Variants in ALPK3 observed in about 807,000 individuals in gnomAD.
ALPK3 encodes the protein alpha kinase 3.
ALPK3 carries 102 observed loss-of-function variants against 140.0 expected under a neutral mutation model. The ratio of observed to expected loss-of-function variants is 0.73; its 90% CI spans 0.62 to 0.86. The LOEUF is 0.86. Ranked by LOEUF, ALPK3 falls within the 40% of genes least tolerant of loss-of-function variation. The probability of loss-of-function intolerance (pLI) is 0.00; values close to 1 mark genes in which losing one functional copy is unlikely to be tolerated. For missense variants in ALPK3, 2,254 were observed against 2,208.2 expected (o/e 1.02, Z -0.42); for synonymous variants, 938 against 898.5 (o/e 1.04, Z -0.79).
chr15:84,821,922 G>C (rs906098256), intron 1 of ALPK3, among the ~76,000 whole-genome samples: 1 of 152,156 alleles, frequency 6.6e-6, no homozygotes, highest in African/African-American at 2.4e-5. Context: ...GGGTCAGGAA[G>C]GACTGTTCAT....
chr15:84,840,055 A>C lies in ALPK3; in HGVS notation c.776A>C (p.Gln259Pro), dbSNP rs781233652. The C allele has an allele frequency of 6.2e-7, 1 of 1,614,140 alleles. No homozygotes were observed. Among genetic ancestry groups the C allele is most frequent in the Admixed American group, 1.7e-5 (1 of 60,010 alleles). Residue 259 changes from glutamine to proline, a missense_variant, in exon 5 of 14, where the codon CAG (glutamine) becomes CCG (proline). By Grantham distance (76) the Gln-to-Pro change is moderately conservative. This residue lies in a region of ALPK3 where 2,088 missense variants were observed against 2,022.9 expected (regional missense o/e 1.03). Coordinates refer to ENST00000258888, the MANE Select transcript of ALPK3 (RefSeq NM_020778.5). Reference protein sequence around the residue: ...AWQEGETETAQHSGLGLINSF... With the variant: ...AWQEGETETAPHSGLGLINSF... ...CAGGAGGGAGAGACTGAGACTGCTC[A>C]GCACTCAGGTTTGGGCCTGATCAAC...
At chr15:84,820,831 C>T (rs937270356) in intron 1 of ALPK3, among the ~76,000 whole-genome samples, 2 of 152,098 alleles carry the variant, frequency 1.3e-5, no homozygotes, top group Non-Finnish European at 2.9e-5. Flanking sequence ...GCTATATCAC[C>T]GAGGTTGATC....
intron 5 of ALPK3, among the ~76,000 whole-genome samples, chr15:84,855,995 T>G (rs1387390374): frequency 6.6e-6 from 1 of 152,146 alleles, no homozygotes; most frequent in Non-Finnish European, 1.5e-5. Context: ...CCAAGGCAAT[T>G]AGTGCCACAG....
At chr15:84,833,134 T>G (rs754715139) in intron 3 of ALPK3, among the ~76,000 whole-genome samples, 3 of 152,192 alleles carry the variant, frequency 2.0e-5, no homozygotes, top group African/African-American at 7.2e-5. Context: ...ACCTACCTAC[T>G]GTGTATATCA....
chr15:84,838,608 T>TTAC, intron 3 of ALPK3, among the ~76,000 whole-genome samples: 1 of 62,476 alleles, frequency 1.6e-5, no homozygotes, highest in East Asian at 1.4e-3. Flanking sequence ...CCCATTATTA[T>TTAC]TATTATTATT....
At chr15:84,864,696 A>G in intron 12 of ALPK3, 31 bp downstream of exon 12, 2 of 1,591,998 alleles carry the variant, frequency 1.3e-6, no homozygotes, top group East Asian at 2.2e-5. Context: ...ACGGGTACGC[A>G]TGTGCATGGA....
chr15:84,832,117 G>A (rs1157765195), intron 3 of ALPK3, among the ~76,000 whole-genome samples: 1 of 152,106 alleles, frequency 6.6e-6, no homozygotes, highest in Non-Finnish European at 1.5e-5. Context: ...AATGGTTGAA[G>A]GGTTCCAAAG....
chr15:84,846,007 G>T (rs1390347272), intron 5 of ALPK3, among the ~76,000 whole-genome samples: 4 of 152,224 alleles, frequency 2.6e-5, no homozygotes, highest in Non-Finnish European at 4.4e-5. Flanking sequence ...GGCAGAGGTT[G>T]CAGTGAGCTG....
At chr15:84,863,785 C>A in intron 11 of ALPK3, 145 bp downstream of exon 11, 1 of 748,712 alleles carries the variant, frequency 1.3e-6, no homozygotes, top group Non-Finnish European at 2.1e-6. Context: ...AGCTCAGTGG[C>A]CTCACAAAAT....
At chr15:84,859,059 C>T (rs1963905247) in intron 6 of ALPK3, among the ~76,000 whole-genome samples, 184 bp from the exon 7 acceptor site, 1 of 152,146 alleles carries the variant, frequency 6.6e-6, no homozygotes, top group South Asian at 2.1e-4. Flanking sequence ...GAGATGTGTG[C>T]TTTGGGGGTC....
intron 5 of ALPK3, 148 bp from the exon 6 acceptor site, chr15:84,856,244 C>T (rs1439564512): frequency 1.5e-5 from 18 of 1,173,014 alleles, no homozygotes; most frequent in East Asian, 2.4e-5. Context: ...GTCTTTGCCT[C>T]CCAACTTCCA....
intron 3 of ALPK3, among the ~76,000 whole-genome samples, chr15:84,836,433 T>C (rs1963598263): frequency 6.6e-6 from 1 of 152,112 alleles, no homozygotes. Flanking sequence ...TGTGAGATGA[T>C]GGGAATGTGG....
chr15:84,859,530 G>A, intron 7 of ALPK3, 140 bp downstream of exon 7: 3 of 1,331,432 alleles, frequency 2.3e-6, no homozygotes, highest in African/African-American at 1.5e-5. Flanking sequence ...CCATAGTAGA[G>A]ATGAGAAAAT....
Position 84,859,874 on chromosome 15 carries a change from C to T in ALPK3, c.4064C>T (p.Ala1355Val). 2 of 1,614,066 alleles carry T rather than the reference C, an allele frequency of 1.2e-6. No homozygotes were observed. Among genetic ancestry groups the T allele is most frequent in the Non-Finnish European group, 1.7e-6 (2 of 1,180,018 alleles). ...ACCATCCACAATGAGCACGGCTCGG[C>T]CTCCACCGACTTCTGCCTCAGCCCT... ...RCTIHNEHGS[A>V]STDFCLSPEV... Residue 1355 changes from alanine (A) to valine (V), a missense_variant, in exon 8 of 14, where the codon GCC (alanine) becomes GTC (valine). Physicochemically the swap from Ala to Val is moderately conservative, Grantham distance 64 (BLOSUM62 0). Around this residue, in one of 3 missense-constraint regions of ALPK3, gnomAD observed 2,088 missense variants for 2,022.9 expected, o/e 1.03. Coordinates refer to ENST00000258888, the MANE Select transcript of ALPK3 (RefSeq NM_020778.5).
chr15:84,858,078 C>A lies in ALPK3; in HGVS notation c.3340C>A (p.Arg1114=). The change falls in exon 6 of 14, where the codon CGA becomes AGA. Residue 1114 remains arginine (R), a synonymous_variant. Transcript: ENST00000258888. ...CTCTCAGGAGAGCAGCATGGCTGGT[C>A]GACTGGGGGAGGCGGGTGGGCAGGC... ...GASQESSMAG[R]LGEAGGQAAP... is the part of the protein sequence containing the mutation. The A allele has an allele frequency of 1.3e-6, 2 of 1,566,944 alleles. No homozygotes were observed. The highest frequency in any genetic ancestry group is 2.4e-5 in the South Asian group (2 of 82,526).
rs1307356439 is a variant in ALPK3, at chr15:84,873,403, C to G, written c.*4947C>G. On this transcript the variant is annotated 3_prime_UTR_variant, in exon 14 of 14. Coordinates refer to ENST00000258888, the MANE Select transcript of ALPK3 (RefSeq NM_020778.5). The stretch of plus-strand genomic sequence containing the variant: ...CCTCCTAAAATAGTAATAACAGTAT[C>G]TGGCGATTTGAGCTTTTACGTAGAA... 1 of 152,206 alleles carries G rather than the reference C, an allele frequency of 6.6e-6. No individual in the cohort carries two copies. The highest frequency in any genetic ancestry group is 1.5e-5 in the Non-Finnish European group (1 of 68,036). The allele number at this position is 152,206 out of a possible 1,614,324, so 9.4% of individuals were successfully genotyped here. A position where few individuals can be genotyped will look rare whatever the true frequency, so the allele number is the denominator to read the frequency against.
At chr15:84,859,198 C>T in intron 6 of ALPK3, 45 bp from the exon 7 acceptor site, 2 of 1,611,350 alleles carry the variant, frequency 1.2e-6, no homozygotes, top group Non-Finnish European at 1.7e-6. Context: ...AGGATATGGC[C>T]AGAGGAGAGG....
intron 10 of ALPK3, among the ~76,000 whole-genome samples, chr15:84,863,292 A>G (rs1963969312): frequency 6.6e-6 from 1 of 152,204 alleles, no homozygotes; most frequent in South Asian, 2.1e-4. Context: ...ACACTGTCAC[A>G]TACCATAAGG....
Position 84,858,390 on chromosome 15 carries a change from G to A in ALPK3, c.3652G>A (p.Gly1218Ser). ...PGRERRSPTQGRKASMLEVPR... is the reference protein window; with the variant it reads ...PGRERRSPTQSRKASMLEVPR... Reference sequence around the variant, plus strand: ...GCGGGAGAGACGCTCCCCTACGCAGGGCAGAAAGGCGAGCATGCTGGAGGT... The same window carrying A: ...GCGGGAGAGACGCTCCCCTACGCAGAGCAGAAAGGCGAGCATGCTGGAGGT... The change falls in exon 6 of 14, where the codon GGC (glycine) becomes AGC (serine). Residue 1218 changes from glycine (G) to serine (S), a missense_variant. Transcript: ENST00000258888. 6.4e-7 allele frequency: 1 copy of A among 1,554,598 alleles called. No individual in the cohort carries two copies. Among genetic ancestry groups the A allele is most frequent in the East Asian group, 2.4e-5 (1 of 41,682 alleles).
Sources: allele counts gnomAD v4.1 joint callset (sites outside exome capture counted in the v4.1 genomes callset), GRCh38; gene constraint gnomAD v4.1.1; regional missense constraint gnomAD v4.1.1; transcripts MANE v1.5; gene names NCBI Gene and HGNC (gene_info 2026-07-23, HGNC 2026-07-21).